Variants in CALD1 observed in about 807,000 individuals in gnomAD.
The protein encoded by CALD1 is caldesmon.
CALD1 carries 33 observed loss-of-function variants against 99.9 expected under a neutral mutation model. The ratio of observed to expected loss-of-function variants is 0.33; its 90% CI spans 0.25 to 0.44. The LOEUF (loss-of-function observed/expected upper bound fraction) is 0.44, where lower values mean the gene tolerates loss of function less well. Ranked by LOEUF, CALD1 falls within the 20% of genes least tolerant of loss-of-function variation. CALD1 has a pLI of 1.00. For missense variants in CALD1, 861 were observed against 962.1 expected (o/e 0.89, Z 1.39); for synonymous variants, 310 against 325.0 (o/e 0.95, Z 0.50).
chr7:134,728,350 A>G, the CALD1 span, among the ~76,000 whole-genome samples: 12 of 152,190 alleles, frequency 7.9e-5, no homozygotes, highest in African/African-American at 2.9e-4. Context: ...TATGGACAGA[A>G]AAAGGAAAGT....
At chr7:134,750,424 A>G (rs1372886322) in intron 1 of CALD1, among the ~76,000 whole-genome samples, 1 of 152,122 alleles carries the variant, frequency 6.6e-6, no homozygotes, top group Non-Finnish European at 1.5e-5. Context: ...GCGTCCCAAG[A>G]CACAAGTTTC....
At chr7:134,934,311 C>G (rs559029235) in intron 5 of CALD1, among the ~76,000 whole-genome samples, 2 of 152,238 alleles carry the variant, frequency 1.3e-5, no homozygotes, top group South Asian at 4.2e-4. Flanking sequence ...GTCCAGAAGA[C>G]AGAGAGAAAT....
Position 134,933,943 on chromosome 7 carries a change from C to G in CALD1, c.1174C>G (p.Leu392Val). Residue 392 changes from leucine to valine, a missense_variant, in exon 5 of 15, where the codon CTA becomes GTA. Transcript: ENST00000361675. ...AGAAGAGCAGAAACGTAACAAGCAG[C>G]TAGAAGAGAAAAAACATGCCATGCA... ...KVEEQKRNKQ[L>V]EEKKHAMQET... The G allele has an allele frequency of 2.5e-6, 4 of 1,613,756 alleles. No individual in the cohort carries two copies. Among genetic ancestry groups the G allele is most frequent in the African/African-American group, 1.3e-5 (1 of 74,920 alleles).
intron 3 of CALD1, among the ~76,000 whole-genome samples, chr7:134,889,196 TG>T (rs1321860135): frequency 6.6e-6 from 1 of 152,226 alleles, no homozygotes; most frequent in Non-Finnish European, 1.5e-5. Context: ...CAGGTCTCAC[TG>T]GGCTAACATC....
At chr7:134,721,441 T>C in the CALD1 span, among the ~76,000 whole-genome samples, 40 of 151,966 alleles carry the variant, frequency 2.6e-4, no homozygotes, top group Non-Finnish European at 5.0e-4. Flanking sequence ...TCAGCCTTTG[T>C]GGATTAAAAA....
chr7:134,739,810 T>G (rs1796577438), upstream of CALD1, among the ~76,000 whole-genome samples: 1 of 152,068 alleles, frequency 6.6e-6, no homozygotes, highest in Admixed American at 6.5e-5. Flanking sequence ...GGAGGCTCTT[T>G]GTTGAGGCAG....
At chr7:134,792,044 T>A (rs1258664706) in intron 1 of CALD1, among the ~76,000 whole-genome samples, 1 of 152,202 alleles carries the variant, frequency 6.6e-6, no homozygotes, top group African/African-American at 2.4e-5. Context: ...TTATTACAAT[T>A]CAAGGTGAGA....
At chr7:134,757,616 C>T (rs1310956085) in intron 1 of CALD1, among the ~76,000 whole-genome samples, 3 of 152,120 alleles carry the variant, frequency 2.0e-5, no homozygotes, top group Non-Finnish European at 4.4e-5. Context: ...TGCAGTGGCT[C>T]ATGCCTGTAA....
At chr7:134,964,461 T>C (rs1394056062) in intron 13 of CALD1, among the ~76,000 whole-genome samples, 2 of 152,144 alleles carry the variant, frequency 1.3e-5, no homozygotes, top group Admixed American at 6.5e-5. Flanking sequence ...AGAGTGAGCC[T>C]GAAAATAATA....
intron 8 of CALD1, among the ~76,000 whole-genome samples, chr7:134,949,601 A>G (rs1807173757): frequency 1.3e-5 from 2 of 152,194 alleles, no homozygotes; most frequent in Non-Finnish European, 1.5e-5. Flanking sequence ...CTCTTGTACC[A>G]TCTGGCAAAT....
chr7:134,954,025 T>A (rs765924690), intron 9 of CALD1, among the ~76,000 whole-genome samples: 7 of 152,336 alleles, frequency 4.6e-5, no homozygotes, highest in Non-Finnish European at 1.0e-4. Flanking sequence ...GTAATTGGGA[T>A]AGCTATTGAT....
intron 2 of CALD1, among the ~76,000 whole-genome samples, chr7:134,856,424 C>T (rs1053114409): frequency 2.0e-5 from 3 of 152,152 alleles, no homozygotes; most frequent in Admixed American, 1.3e-4. Flanking sequence ...ACCTCCAGAA[C>T]GGTGCCTTAT....
At chr7:134,925,939 A>G (rs1004585485) in intron 3 of CALD1, among the ~76,000 whole-genome samples, 2 of 152,206 alleles carry the variant, frequency 1.3e-5, no homozygotes, top group African/African-American at 4.8e-5. Flanking sequence ...GCAGTTATTA[A>G]GGATTGATTC....
the CALD1 span, among the ~76,000 whole-genome samples, chr7:134,712,923 T>TTCCCA: frequency 2.0e-5 from 3 of 152,238 alleles, no homozygotes; most frequent in South Asian, 2.1e-4. Context: ...TGTTTTATAA[T>TTCCCA]TTGAACTAAC....
intron 1 of CALD1, among the ~76,000 whole-genome samples, chr7:134,835,935 AG>A (rs1409335933): frequency 1.3e-5 from 2 of 152,010 alleles, no homozygotes; most frequent in Non-Finnish European, 2.9e-5. Context: ...CACCTGAGTT[AG>A]GAGTTCGAGA....
At chr7:134,777,386 TA>T (rs1164591683), upstream of CALD1, among the ~76,000 whole-genome samples, 1 of 152,228 alleles carries the variant, frequency 6.6e-6, no homozygotes, top group Non-Finnish European at 1.5e-5. Context: ...GGAAACATAC[TA>T]TTTTTTTTAT....
chr7:134,954,967 C>T (rs1168757800), intron 9 of CALD1, among the ~76,000 whole-genome samples: 1 of 152,216 alleles, frequency 6.6e-6, no homozygotes, highest in African/African-American at 2.4e-5. Flanking sequence ...CCTTCTCCAC[C>T]TCCCCCAGAT....
At chr7:134,843,223 T>C (rs531814258) in intron 1 of CALD1, among the ~76,000 whole-genome samples, 2 of 152,304 alleles carry the variant, frequency 1.3e-5, no homozygotes, top group South Asian at 2.1e-4. Flanking sequence ...GGGCACTGCA[T>C]TAAAAGCTAT....
In CALD1 at chr7:134,970,218, T is replaced by C. The variant is rs1808953383; in HGVS notation, c.*1873T>C. 1 of 152,194 alleles carries C rather than the reference T, an allele frequency of 6.6e-6. No individual in the cohort carries two copies. Among genetic ancestry groups the C allele is most frequent in the African/African-American group, 2.4e-5 (1 of 41,450 alleles). 9.4% of individuals were successfully genotyped at this position (152,194 alleles called of 1,614,324 possible). On this transcript the variant is annotated 3_prime_UTR_variant, in exon 15 of 15. Transcript: ENST00000361675. Reference sequence around the variant, plus strand: ...GTGTCCCAGGTAGCATTGACTCCCGTCATTGGAGTGAAATGGATCAAAGTT... The same window carrying C: ...GTGTCCCAGGTAGCATTGACTCCCGCCATTGGAGTGAAATGGATCAAAGTT...
Sources: gnomAD v4.1 joint callset for allele counts (sites outside exome capture counted in the v4.1 genomes callset) on GRCh38, gnomAD v4.1.1 for gene constraint, MANE v1.5 for transcripts, NCBI Gene and HGNC (gene_info 2026-07-23, HGNC 2026-07-21) for gene names.